The following DAPK1 variants were observed in gnomAD, a reference collection of about 807,000 sequenced individuals.
DAPK1 encodes death-associated protein kinase 1.
A neutral mutation model predicts 144.9 loss-of-function variants in DAPK1; 56 were observed. The ratio of observed to expected loss-of-function variants is 0.39; its 90% CI spans 0.31 to 0.48. The LOEUF is 0.48. Ranked by LOEUF, DAPK1 falls within the 20% of genes least tolerant of loss-of-function variation. The probability of loss-of-function intolerance (pLI) is 0.95; values close to 1 mark genes in which losing one functional copy is unlikely to be tolerated. For missense variants in DAPK1, 1,454 were observed against 1,875.4 expected (o/e 0.78, Z 4.15); for synonymous variants, 690 against 749.0 (o/e 0.92, Z 1.29).
intron 18 of DAPK1, among the ~76,000 whole-genome samples, chr9:87,667,170 G>T (rs1831089889): frequency 6.6e-6 from 1 of 152,190 alleles, no homozygotes; most frequent in South Asian, 2.1e-4. Flanking sequence ...TGGATCCCTG[G>T]TTGGAGATGC....
At position 87,513,615 on chromosome 9, in the gene DAPK1, G is replaced by A. The variant is rs531061366; in HGVS notation, c.62+14476G>A. Among the ~76,000 whole-genome samples, 3 of 152,164 alleles carry A rather than the reference G, an allele frequency of 2.0e-5. No homozygotes were observed. In the East Asian group the frequency reaches 5.8e-4, roughly 29 times the overall value. On this transcript the variant is annotated intron_variant, in intron 2 of 25. Transcript: ENST00000408954. Reference sequence around the variant, plus strand: ...ATTGTAATTCACATTTGAAAACCGAGGTTCAGAAAGATGATTGGCCTTGAA... The same window carrying A: ...ATTGTAATTCACATTTGAAAACCGAAGTTCAGAAAGATGATTGGCCTTGAA...
chr9:87,499,622 C>T (rs951180367), intron 2 of DAPK1, among the ~76,000 whole-genome samples: 2 of 152,122 alleles, frequency 1.3e-5, no homozygotes, highest in African/African-American at 4.8e-5. Context: ...CAGATGTTGA[C>T]ATTGGGCTTG....
chr9:87,626,055 T>G (rs1480850157), intron 3 of DAPK1, among the ~76,000 whole-genome samples: 1 of 152,216 alleles, frequency 6.6e-6, no homozygotes, highest in Non-Finnish European at 1.5e-5. Flanking sequence ...ATCTTGCCAC[T>G]AAGCAGGGGA....
rs759482967 is a variant in DAPK1, at chr9:87,703,088, G to C, written c.2931G>C (p.Arg977Ser). 5.6e-6 allele frequency: 9 copies of C among 1,599,312 alleles called. No homozygotes were observed. In the South Asian group the frequency reaches 9.9e-5, roughly 18 times the overall value. ...EKIISTLPSW[R>S]KLNGPNQLMS... ...TCATCTCCACGCTGCCTTCCTGGAG[G>C]AAGCTCAATGGACCCAACCAGCTGA... is the stretch of plus-strand genomic sequence containing the variant. The change falls in exon 25 of 26, where the codon AGG becomes AGC. Residue 977 changes from arginine to serine, a missense_variant. Coordinates refer to ENST00000408954, the MANE Select transcript of DAPK1 (RefSeq NM_004938.4).
intron 2 of DAPK1, among the ~76,000 whole-genome samples, chr9:87,536,947 A>G (rs1825880186): frequency 6.6e-6 from 1 of 151,182 alleles, no homozygotes; most frequent in Non-Finnish European, 1.5e-5. Flanking sequence ...TTTAGATTAA[A>G]TTTTACCTTG....
chr9:87,658,043 T>A lies in DAPK1; in HGVS notation c.1839T>A (p.Pro613=), dbSNP rs1215086510. The change falls in exon 18 of 26, where the codon CCT becomes CCA. Residue 613 remains proline (P), a synonymous_variant. Coordinates refer to ENST00000408954, the MANE Select transcript of DAPK1 (RefSeq NM_004938.4). ...LDISNKYGRT[P]LHLAANNGIL... The stretch of plus-strand genomic sequence containing the variant: ...TCTCTTCCCAGTATGGGCGAACGCC[T>A]CTGCACCTTGCGGCCAACAACGGAA... 1 of 1,453,766 alleles carries A rather than the reference T, an allele frequency of 6.9e-7. No individual in the cohort carries two copies. Among genetic ancestry groups the A allele is most frequent in the Admixed American group, 1.7e-5 (1 of 59,560 alleles). The allele number at this position is 1,453,766 out of a possible 1,614,324, so 90.1% of individuals were successfully genotyped here.
intron 2 of DAPK1, among the ~76,000 whole-genome samples, chr9:87,602,678 G>C (rs1440046294): frequency 6.6e-6 from 1 of 151,490 alleles, no homozygotes; most frequent in Non-Finnish European, 1.5e-5. Flanking sequence ...CTGTCACCCA[G>C]GCTGGAGTGC....
intron 2 of DAPK1, among the ~76,000 whole-genome samples, chr9:87,515,709 C>T (rs1010351569): frequency 6.6e-6 from 1 of 152,152 alleles, no homozygotes; most frequent in African/African-American, 2.4e-5. Flanking sequence ...GGAAATTGAG[C>T]TGATAGCCTC....
intron 3 of DAPK1, among the ~76,000 whole-genome samples, chr9:87,612,417 A>T (rs1188838777): frequency 1.3e-5 from 2 of 152,164 alleles, no homozygotes; most frequent in Non-Finnish European, 2.9e-5. Flanking sequence ...ACGCCAAGGA[A>T]CCTGCCAGAA....
chr9:87,604,260 G>A (rs1587759724), intron 2 of DAPK1, among the ~76,000 whole-genome samples: 2 of 152,258 alleles, frequency 1.3e-5, no homozygotes, highest in Non-Finnish European at 2.9e-5. Flanking sequence ...TGGCATTGTG[G>A]TCAGGAGAAT....
chr9:87,588,278 CCCTATTAGAAACTGA>C (rs1564009763), intron 2 of DAPK1, among the ~76,000 whole-genome samples: 1 of 152,200 alleles, frequency 6.6e-6, no homozygotes, highest in Non-Finnish European at 1.5e-5. Flanking sequence ...CCTTTCCATT[CCCTATTAGAAACTGA>C]CCTAAACCTA....
At chr9:87,531,552 TG>T (rs1159151503) in intron 2 of DAPK1, among the ~76,000 whole-genome samples, 1 of 152,106 alleles carries the variant, frequency 6.6e-6, no homozygotes, top group Non-Finnish European at 1.5e-5. Flanking sequence ...GGTGCAAACC[TG>T]TGCTGCAATA....
intron 2 of DAPK1, among the ~76,000 whole-genome samples, chr9:87,603,360 A>G (rs1241625621): frequency 1.3e-5 from 2 of 152,156 alleles, no homozygotes; most frequent in African/African-American, 4.8e-5. Flanking sequence ...TAAGGTAGCG[A>G]GTTTACAGGC....
intron 19 of DAPK1, among the ~76,000 whole-genome samples, chr9:87,680,407 T>C (rs1450336682): frequency 6.6e-6 from 1 of 152,176 alleles, no homozygotes; most frequent in East Asian, 1.9e-4. Context: ...ACCCGATTTG[T>C]TGTAGGTCTG....
intron 2 of DAPK1, among the ~76,000 whole-genome samples, chr9:87,555,083 G>A (rs1431980447): frequency 1.3e-5 from 2 of 152,160 alleles, no homozygotes; most frequent in African/African-American, 2.4e-5. Context: ...TGTGCACCAG[G>A]GTCTCATCAC....
chr9:87,646,672 T>A (rs900121160), intron 13 of DAPK1, 113 bp downstream of exon 13: 2 of 772,880 alleles, frequency 2.6e-6, no homozygotes, highest in Non-Finnish European at 4.2e-6. Context: ...CTCAGTTTCC[T>A]GTAAAGGAAG....
chr9:87,507,500 T>G (rs931716145), intron 2 of DAPK1, among the ~76,000 whole-genome samples: 6 of 152,234 alleles, frequency 3.9e-5, no homozygotes, highest in African/African-American at 1.4e-4. Flanking sequence ...CCACCGCATC[T>G]GGTGTTCACG....
chr9:87,579,894 G>A (rs980693041), intron 2 of DAPK1, among the ~76,000 whole-genome samples: 2 of 152,102 alleles, frequency 1.3e-5, no homozygotes, highest in African/African-American at 2.4e-5. Context: ...CCTACTACTA[G>A]GAAGTAACCA....
intron 22 of DAPK1, among the ~76,000 whole-genome samples, chr9:87,697,686 T>C (rs1825308826): frequency 1.3e-5 from 2 of 152,156 alleles, no homozygotes; most frequent in African/African-American, 4.8e-5. Flanking sequence ...GGTGCAGTGG[T>C]TCACGGCTGT....
Sources: gnomAD v4.1 joint callset for allele counts (sites outside exome capture counted in the v4.1 genomes callset) on GRCh38, gnomAD v4.1.1 for gene constraint, MANE v1.5 for transcripts, NCBI Gene and HGNC (gene_info 2026-07-23, HGNC 2026-07-21) for gene names.